Variants in VAMP4 observed in about 807,000 individuals in gnomAD.
VAMP4 encodes vesicle-associated membrane protein 4.
In VAMP4, 19 loss-of-function variants were observed where a neutral mutation model predicts 23.5. That is an observed-to-expected ratio of 0.81 (90% confidence interval 0.56 to 1.19). The LOEUF (loss-of-function observed/expected upper bound fraction) is 1.19. Among genes scored for constraint, VAMP4 ranks in the 50% most tolerant of loss-of-function variants. VAMP4 has a pLI of 0.00. For synonymous variants in VAMP4, 31 were observed against 51.0 expected (o/e 0.61, Z 1.67); for missense variants, 145 against 168.6 (o/e 0.86, Z 0.78).
intron 2 of VAMP4, among the ~76,000 whole-genome samples, chr1:171,732,153 A>G (rs1321775507): frequency 2.6e-5 from 4 of 152,160 alleles, no homozygotes; most frequent in African/African-American, 9.6e-5. Context: ...AAGGACATTT[A>G]ATAAATTCCA....
chr1:171,709,895 C>A, intron 5 of VAMP4, 151 bp from the exon 6 acceptor site: 1 of 595,948 alleles, frequency 1.7e-6, no homozygotes, highest in Non-Finnish European at 2.9e-6. Flanking sequence ...TTTCCACCCA[C>A]AAACTCTGGC....
At chr1:171,737,270 G>T (rs545700528) in intron 2 of VAMP4, among the ~76,000 whole-genome samples, 102 of 152,260 alleles carry the variant, frequency 6.7e-4, no homozygotes, top group African/African-American at 2.2e-3. Context: ...ATCAAGACAA[G>T]AAGGAAAGGA....
At chr1:171,741,066 G>C (rs539968430) in intron 1 of VAMP4, among the ~76,000 whole-genome samples, 2 of 152,304 alleles carry the variant, frequency 1.3e-5, no homozygotes, top group Admixed American at 1.3e-4. Context: ...GAATTCAGCT[G>C]TTTGTGACTA....
intron 4 of VAMP4, among the ~76,000 whole-genome samples, chr1:171,716,398 G>A (rs1655022942): frequency 6.6e-6 from 1 of 152,120 alleles, no homozygotes; most frequent in Non-Finnish European, 1.5e-5. Context: ...TTTGGAGCTG[G>A]TATTTCCAGG....
At chr1:171,704,624 C>A in intron 7 of VAMP4, 90 bp from the exon 8 acceptor site, 1 of 1,036,680 alleles carries the variant, frequency 9.6e-7, no homozygotes, top group Non-Finnish European at 1.3e-6. Flanking sequence ...GTTGTGTCTA[C>A]TTTTAGAAAT....
At chr1:171,709,273 GAA>G (rs1223919253) in intron 6 of VAMP4, among the ~76,000 whole-genome samples, 1 of 151,816 alleles carries the variant, frequency 6.6e-6, no homozygotes, top group Non-Finnish European at 1.5e-5. Flanking sequence ...CCTTTCAACC[GAA>G]AGTCATATTT....
intron 7 of VAMP4, among the ~76,000 whole-genome samples, chr1:171,705,508 G>A (rs1404714137): frequency 6.6e-6 from 1 of 152,160 alleles, no homozygotes; most frequent in African/African-American, 2.4e-5. Flanking sequence ...AGCTAGGGAT[G>A]TGTGGGTTGG....
intron 2 of VAMP4, among the ~76,000 whole-genome samples, chr1:171,733,270 C>T (rs1655617495): frequency 1.1e-5 from 1 of 92,786 alleles, no homozygotes; most frequent in Admixed American, 1.7e-4. Flanking sequence ...CCAGCCTGGG[C>T]AATACGGTGA....
chr1:171,710,650 A>G, intron 5 of VAMP4, 64 bp downstream of exon 5: 1 of 1,285,848 alleles, frequency 7.8e-7, no homozygotes, highest in South Asian at 1.3e-5. Context: ...CGTTGGCTAG[A>G]CAAGTAGAAG....
chr1:171,730,523 AT>A (rs1424717229), intron 2 of VAMP4, among the ~76,000 whole-genome samples: 1 of 152,222 alleles, frequency 6.6e-6, no homozygotes, highest in African/African-American at 2.4e-5. Flanking sequence ...AAGTGAAAGC[AT>A]TGCCAATATG....
intron 2 of VAMP4, among the ~76,000 whole-genome samples, chr1:171,734,504 A>G (rs1446915652): frequency 6.6e-6 from 1 of 152,140 alleles, no homozygotes; most frequent in African/African-American, 2.4e-5. Context: ...TGGGCTAATG[A>G]AAATATCCTA....
At chr1:171,714,637 T>TG (rs1054923433) in intron 4 of VAMP4, among the ~76,000 whole-genome samples, 4 of 152,092 alleles carry the variant, frequency 2.6e-5, no homozygotes, top group African/African-American at 9.7e-5. Flanking sequence ...CCGAGCATGG[T>TG]GGTGTGCACC....
chr1:171,740,935 T>C lies in VAMP4; in HGVS notation c.-50+975A>G, dbSNP rs560239707. Among the ~76,000 whole-genome samples the C allele has an allele frequency of 2.0e-5, 3 of 152,344 alleles. No homozygotes were observed. The East Asian group carries it at 5.8e-4, about 29-fold the overall frequency. On this transcript the variant is annotated intron_variant, in intron 1 of 7. Coordinates refer to ENST00000236192, the MANE Select transcript of VAMP4 (RefSeq NM_003762.5). ...TAGCTACCTTGATGAACTTTGATGTTATTTGCAACTGATTATTAGTAACTG... is the reference window on the plus strand; with the variant it reads ...TAGCTACCTTGATGAACTTTGATGTCATTTGCAACTGATTATTAGTAACTG...
chr1:171,706,034 G>A (rs1275609933), intron 7 of VAMP4, among the ~76,000 whole-genome samples: 2 of 151,996 alleles, frequency 1.3e-5, no homozygotes, highest in Non-Finnish European at 2.9e-5. Context: ...AGACCTTAGT[G>A]TAATAGGAAC....
intron 2 of VAMP4, among the ~76,000 whole-genome samples, chr1:171,737,343 T>G (rs1655776924): frequency 6.6e-6 from 1 of 152,234 alleles, no homozygotes; most frequent in African/African-American, 2.4e-5. Context: ...CCAATAAATA[T>G]GTATTGAGTA....
At chr1:171,717,779 T>C (rs1471206947) in intron 4 of VAMP4, among the ~76,000 whole-genome samples, 1 of 152,144 alleles carries the variant, frequency 6.6e-6, no homozygotes, top group African/African-American at 2.4e-5. Flanking sequence ...TGCAGGACAA[T>C]GACCCTGAGA....
In VAMP4 at chr1:171,730,637, C is replaced by T. The variant is rs75482416; in HGVS notation, c.67-2067G>A. Among the ~76,000 whole-genome samples the T allele has an allele frequency of 7.4e-3, 1,108 of 149,048 alleles. 14 individuals are homozygous for T. Among genetic ancestry groups the T allele is most frequent in the African/African-American group, 0.026 (1,051 of 40,354 alleles). ...GTTTTTGGTATGTTGACAGAGAACACAGATTAACACTACCATTAAAATATA... is the reference window on the plus strand; with the variant it reads ...GTTTTTGGTATGTTGACAGAGAACATAGATTAACACTACCATTAAAATATA... On this transcript the variant is annotated intron_variant, in intron 2 of 7. Coordinates refer to ENST00000236192, the MANE Select transcript of VAMP4 (RefSeq NM_003762.5).
At chr1:171,726,038 C>G (rs1655358632) in intron 3 of VAMP4, among the ~76,000 whole-genome samples, 1 of 151,222 alleles carries the variant, frequency 6.6e-6, no homozygotes. Flanking sequence ...AAAACCCAGC[C>G]TCAACAAAAA....
intron 4 of VAMP4, among the ~76,000 whole-genome samples, chr1:171,714,725 T>C (rs761471792): frequency 4.3e-4 from 65 of 152,078 alleles, no homozygotes; most frequent in Non-Finnish European, 8.7e-4. Context: ...GCCAAGACTA[T>C]ACCACTGCAC....
Sources: gnomAD v4.1 joint callset for allele counts (sites outside exome capture counted in the v4.1 genomes callset) on GRCh38, gnomAD v4.1.1 for gene constraint, MANE v1.5 for transcripts, NCBI Gene and HGNC (gene_info 2026-07-23, HGNC 2026-07-21) for gene names.